TMEM131L: variants seen among roughly 807,000 people sequenced by gnomAD.
TMEM131L encodes the protein transmembrane protein 131-like.
TMEM131L carries 54 observed loss-of-function variants against 192.2 expected under a neutral mutation model. The observed-to-expected ratio is 0.28, with a 90% confidence interval of 0.23 to 0.35. The LOEUF (loss-of-function observed/expected upper bound fraction) is 0.35. Among genes scored for constraint, TMEM131L ranks in the 10% least tolerant of loss-of-function variants. The probability of loss-of-function intolerance (pLI) is 1.00; values close to 1 mark genes in which losing one functional copy is unlikely to be tolerated. For missense variants in TMEM131L, 1,888 were observed against 1,972.9 expected, an observed-to-expected ratio of 0.96 and a Z score of 0.82; for synonymous variants, 701 against 704.9, an observed-to-expected ratio of 0.99 and a Z score of 0.09.
At chr4:153,496,109 A>T (rs1166922443) in intron 3 of TMEM131L, among the ~76,000 whole-genome samples, 2 of 152,200 alleles carry the variant, frequency 1.3e-5, no homozygotes, top group Non-Finnish European at 1.5e-5. Flanking sequence ...GTTTCTTTAA[A>T]ATAATCCCAT....
Position 153,584,865 on chromosome 4 carries a change from A to C in TMEM131L, c.1091A>C (p.Glu364Ala). 1 of 1,614,084 alleles carries C rather than the reference A, an allele frequency of 6.2e-7. No individual in the cohort carries two copies. Among genetic ancestry groups the C allele is most frequent in the African/African-American group, 1.3e-5 (1 of 75,062 alleles). Residue 364 changes from glutamate (E) to alanine (A), a missense_variant, in exon 12 of 35, where the codon GAA becomes GCA. By Grantham distance (107) the Glu-to-Ala change is moderately radical. Coordinates refer to ENST00000409959, the MANE Select transcript of TMEM131L (RefSeq NM_001131007.2). ...ACATCATGTGACAGTGGAATTATAG[A>C]AGATGTGAAGAAAACAACACACACT... Reference protein sequence around the residue: ...AATSCDSGIIEDVKKTTHTPT... With the variant: ...AATSCDSGIIADVKKTTHTPT...
At chr4:153,540,293 C>G (rs1426871895) in intron 3 of TMEM131L, among the ~76,000 whole-genome samples, 4 of 152,156 alleles carry the variant, frequency 2.6e-5, no homozygotes, top group Non-Finnish European at 4.4e-5. Flanking sequence ...ATCAGCCTTT[C>G]TGTGATCTGT....
intron 7 of TMEM131L, among the ~76,000 whole-genome samples, chr4:153,559,185 TCCAGTTGGGGAGAA>T (rs1424116620): frequency 2.0e-5 from 3 of 152,190 alleles, no homozygotes; most frequent in Non-Finnish European, 4.4e-5. Context: ...GAGCCTACAT[TCCAGTTGGGGAGAA>T]GAACCAAATT....
chr4:153,512,637 CAG>C (rs1286828452), intron 3 of TMEM131L, among the ~76,000 whole-genome samples: 7 of 149,830 alleles, frequency 4.7e-5, no homozygotes, highest in Admixed American at 3.9e-4. Context: ...TCTTTTGAGA[CAG>C]AGTCTTGCTC....
intron 7 of TMEM131L, among the ~76,000 whole-genome samples, chr4:153,569,577 C>T (rs560818023): frequency 2.6e-5 from 4 of 152,190 alleles, no homozygotes; most frequent in Non-Finnish European, 5.9e-5. Flanking sequence ...TATAAAATGC[C>T]TGTCATAGAG....
At chr4:153,474,029 C>T in intron 3 of TMEM131L, 141 bp downstream of exon 3, 2 of 545,244 alleles carry the variant, frequency 3.7e-6, no homozygotes, top group East Asian at 3.6e-5. Flanking sequence ...TTTGTCGTAT[C>T]TATACCTTCT....
chr4:153,505,425 C>G (rs1733922642), intron 3 of TMEM131L, among the ~76,000 whole-genome samples: 1 of 152,066 alleles, frequency 6.6e-6, no homozygotes, highest in South Asian at 2.1e-4. Context: ...CCATTTCTTA[C>G]AGGGATGCCA....
At chr4:153,477,039 AG>A (rs1223094999) in intron 3 of TMEM131L, among the ~76,000 whole-genome samples, 1 of 152,164 alleles carries the variant, frequency 6.6e-6, no homozygotes, top group Non-Finnish European at 1.5e-5. Flanking sequence ...ATATCAGGGT[AG>A]GGGGTTGAAA....
At chr4:153,630,021 C>G (rs1454248993) in intron 31 of TMEM131L, among the ~76,000 whole-genome samples, 1 of 152,210 alleles carries the variant, frequency 6.6e-6, no homozygotes, top group African/African-American at 2.4e-5. Context: ...GGGAGACACT[C>G]TTCCTTCTGA....
In TMEM131L at chr4:153,582,420, G is replaced by GTTTTTTTT. The variant is rs1216119441; in HGVS notation, c.893-768_893-761dup. ...CCACTATGCCTGGCTAATTTAAACC[G>GTTTTTTTT]TTTTTTTTTGTTGTTTTTTTTTTTT... On this transcript the variant is annotated intron_variant, in intron 9 of 34. Coordinates refer to ENST00000409959, the MANE Select transcript of TMEM131L (RefSeq NM_001131007.2). Among the ~76,000 whole-genome samples, 14 of 81,834 alleles carry GTTTTTTTT rather than the reference G, an allele frequency of 1.7e-4. 2 individuals are homozygous for GTTTTTTTT. The highest frequency in any genetic ancestry group is 5.5e-4 in the African/African-American group (10 of 18,260). 53.7% of individuals were successfully genotyped at this position (81,834 alleles called of 152,430 possible). A position where few individuals can be genotyped will look rare whatever the true frequency, so the allele number is the denominator to read the frequency against.
At chr4:153,542,222 G>A (rs895332255) in intron 3 of TMEM131L, among the ~76,000 whole-genome samples, 1 of 152,178 alleles carries the variant, frequency 6.6e-6, no homozygotes, top group African/African-American at 2.4e-5. Context: ...GGAAGAGATA[G>A]GCAGAGGAAG....
intron 34 of TMEM131L, among the ~76,000 whole-genome samples, chr4:153,635,809 A>T (rs1734528678): frequency 6.6e-6 from 1 of 152,214 alleles, no homozygotes; most frequent in Non-Finnish European, 1.5e-5. Flanking sequence ...AATGAAAAAC[A>T]TCCCCAAACA....
At chr4:153,585,653 G>C in intron 13 of TMEM131L, 42 bp downstream of exon 13, 2 of 1,500,360 alleles carry the variant, frequency 1.3e-6, no homozygotes, top group Non-Finnish European at 9.0e-7. Context: ...CTTATTTTAA[G>C]CTTTGTTTAA....
chr4:153,521,555 T>A (rs185284836), intron 3 of TMEM131L, among the ~76,000 whole-genome samples: 8 of 152,322 alleles, frequency 5.3e-5, no homozygotes, highest in African/African-American at 1.7e-4. Context: ...ATTTTGACCA[T>A]TTTTAAGTGT....
At chr4:153,577,947 G>A (rs1355056357) in intron 7 of TMEM131L, among the ~76,000 whole-genome samples, 1 of 152,190 alleles carries the variant, frequency 6.6e-6, no homozygotes, top group Admixed American at 6.5e-5. Context: ...CGATGTGGGA[G>A]GGTTCAGCAT....
chr4:153,525,504 T>C (rs1258446725), intron 3 of TMEM131L, among the ~76,000 whole-genome samples: 3 of 152,074 alleles, frequency 2.0e-5, no homozygotes, highest in Non-Finnish European at 4.4e-5. Context: ...CACACCTGGC[T>C]AATTTTTGTA....
chr4:153,589,508 G>A (rs1294662363), intron 16 of TMEM131L, among the ~76,000 whole-genome samples: 1 of 152,126 alleles, frequency 6.6e-6, no homozygotes, highest in Non-Finnish European at 1.5e-5. Flanking sequence ...AGATGGAGTG[G>A]GGCGGCTTGA....
At chr4:153,504,858 G>A (rs1304584599) in intron 3 of TMEM131L, among the ~76,000 whole-genome samples, 1 of 152,142 alleles carries the variant, frequency 6.6e-6, no homozygotes, top group African/African-American at 2.4e-5. Context: ...TGTCAAGGAT[G>A]GATGCATTCA....
chr4:153,605,262 A>G (rs763600314), intron 25 of TMEM131L, among the ~76,000 whole-genome samples: 25 of 152,230 alleles, frequency 1.6e-4, no homozygotes, highest in Non-Finnish European at 2.8e-4. Flanking sequence ...ATTATCCTTT[A>G]ATAGATCCCT....
Sources: allele counts gnomAD v4.1 joint callset (sites outside exome capture counted in the v4.1 genomes callset), GRCh38; gene constraint gnomAD v4.1.1; transcripts MANE v1.5; gene names NCBI Gene and HGNC (gene_info 2026-07-23, HGNC 2026-07-21).